LRRC41: variants seen among roughly 807,000 people sequenced by gnomAD.
LRRC41 encodes the protein leucine-rich repeat-containing protein 41.
Under a neutral mutation model 72.1 loss-of-function variants are expected in LRRC41, and 17 were observed. That is an observed-to-expected ratio of 0.24 (90% confidence interval 0.16 to 0.35). The LOEUF is 0.35. LRRC41 is among the 10% of genes least tolerant of loss of function. LRRC41 has a pLI of 1.00. For missense variants in LRRC41, 759 were observed against 1,065.0 expected, an observed-to-expected ratio of 0.71 and a Z score of 4.00; for synonymous variants, 427 against 431.0, an observed-to-expected ratio of 0.99 and a Z score of 0.11.
Position 46,297,331 on chromosome 1 carries a change from A to G in LRRC41, c.357+232T>C, listed in dbSNP as rs2148325612. On this transcript the variant is annotated intron_variant, in intron 3 of 9. Transcript: ENST00000617190. ...TCTAGGAATCCTGGCTCTGCCATCC[A>G]TTGTGATCACTAACTTTCCCTGTTT... 6.7e-6 allele frequency: 3 copies of G among 450,958 alleles called. No individual in the cohort carries two copies. In the South Asian group the frequency reaches 9.0e-5, roughly 13 times the overall value. The allele number at this position is 450,958 out of a possible 1,614,324, so 27.9% of individuals were successfully genotyped here.
Position 46,302,174 on chromosome 1 carries a change from C to G in LRRC41, c.199+950G>C, listed in dbSNP as rs1661248105. The G allele has an allele frequency of 2.0e-6, 2 of 985,392 alleles. No individual in the cohort carries two copies. The highest frequency in any genetic ancestry group is 9.4e-5 in the South Asian group (2 of 21,294). 61.0% of individuals were successfully genotyped at this position (985,392 alleles called of 1,614,324 possible). ...CCTTTGGTCCCGGCCGCCTTCAGGC[C>G]TGGGGCCCCCGTTCACTCCCATTCA... On this transcript the variant is annotated intron_variant, in intron 1 of 9. Transcript: ENST00000617190. The surrounding 1 kb of genome is among the most constrained non-coding windows in gnomAD (Gnocchi z 4.7).
Position 46,298,376 on chromosome 1 carries a change from A to G in LRRC41, c.200-6T>C, listed in dbSNP as rs776304015. On this transcript the variant is annotated splice_polypyrimidine_tract_variant and splice_region_variant and intron_variant, in intron 1 of 9. Coordinates refer to ENST00000617190, the MANE Select transcript of LRRC41 (RefSeq NM_006369.5). The stretch of plus-strand genomic sequence containing the variant: ...AAGTATTGGGCCTGGGAGGGCTACA[A>G]AAATCAAAACAAAAGTTTACTTTTC... 14 of 1,597,198 alleles carry G rather than the reference A, an allele frequency of 8.8e-6. No individual in the cohort carries two copies. In the Admixed American group the frequency reaches 1.0e-4, roughly 12 times the overall value.
rs746319323 is a variant in LRRC41 at position 46,278,718 on chromosome 1, G to T, written c.*147C>A. 2 of 769,284 alleles carry T rather than the reference G, an allele frequency of 2.6e-6. No homozygotes were observed. Among genetic ancestry groups the T allele is most frequent in the African/African-American group, 1.8e-5 (1 of 57,080 alleles). The allele number at this position is 769,284 out of a possible 1,614,324, so 47.7% of individuals were successfully genotyped here. On this transcript the variant is annotated 3_prime_UTR_variant, in exon 10 of 10. Transcript: ENST00000617190. ...TGCTGGGCCTCATCAAGGCCTCCAG[G>T]ACCTCAGTGCAAGGGAAGAAGGAAA...
chr1:46,287,638 G>A (rs1417116632), intron 3 of LRRC41, among the ~76,000 whole-genome samples: 2 of 152,168 alleles, frequency 1.3e-5, no homozygotes, highest in Non-Finnish European at 2.9e-5. Context: ...TCACCCCACG[G>A]ACTTGAACCT....
chr1:46,289,455 C>A (rs1660958808), intron 3 of LRRC41, among the ~76,000 whole-genome samples: 1 of 152,088 alleles, frequency 6.6e-6, no homozygotes, highest in African/African-American at 2.4e-5. Flanking sequence ...AAGTTTTATT[C>A]CATCACCACT....
At chr1:46,297,785 A>G (rs1266536297) in intron 2 of LRRC41, 152 bp from the exon 3 acceptor site, 1 of 601,532 alleles carries the variant, frequency 1.7e-6, no homozygotes, top group African/African-American at 1.9e-5. Context: ...TGTGAATATC[A>G]GCAAACTACA....
At position 46,281,376 on chromosome 1, in the gene LRRC41, G is replaced by C. The variant is rs1447307230; in HGVS notation, c.1505C>G (p.Ser502Cys). The C allele has an allele frequency of 5.6e-6, 9 of 1,614,160 alleles. No individual in the cohort carries two copies. The highest frequency in any genetic ancestry group is 7.6e-6 in the Non-Finnish European group (9 of 1,180,004). ...GCTGTCTAGCAGGCGGAAGATGTTA[G>C]AGCCCAGGCCTATGGCAAGAAAGAG... ...SLTLSYNGLGSNIFRLLDSLR... is the reference protein window; with the variant it reads ...SLTLSYNGLGCNIFRLLDSLR... Residue 502 changes from serine (S) to cysteine (C), a missense_variant, in exon 5 of 10, where the codon TCT becomes TGT. By Grantham distance (112) the Ser-to-Cys change is moderately radical. Around this residue, in one of 4 missense-constraint regions of LRRC41, gnomAD observed 427 missense variants for 520.9 expected, o/e 0.82. Transcript: ENST00000617190.
At position 46,278,038 on chromosome 1, in the gene LRRC41, C is replaced by G. The variant is rs1489760838; in HGVS notation, c.*827G>C. The G allele has an allele frequency of 6.2e-7, 1 of 1,614,114 alleles. No individual in the cohort carries two copies. The highest frequency in any genetic ancestry group is 1.3e-5 in the African/African-American group (1 of 75,060). ...TACCCACACAGTAGGGAGATGGGAT[C>G]TGTAGTGACTTCAGCTGTGCCTTCT... On this transcript the variant is annotated 3_prime_UTR_variant, in exon 10 of 10. Transcript: ENST00000617190.
In LRRC41 at chr1:46,277,918, T is replaced by C; in HGVS notation, c.*947A>G. Reference sequence around the variant, plus strand: ...AGCAGGATGTAGAGCGCCACTTCTCTCTGGGCGAGTTGAAGGAGCTGTTTA... The same window carrying C: ...AGCAGGATGTAGAGCGCCACTTCTCCCTGGGCGAGTTGAAGGAGCTGTTTA... On this transcript the variant is annotated 3_prime_UTR_variant, in exon 10 of 10. Coordinates refer to ENST00000617190, the MANE Select transcript of LRRC41 (RefSeq NM_006369.5). 1.9e-6 allele frequency: 3 copies of C among 1,614,130 alleles called. No individual in the cohort carries two copies. Among genetic ancestry groups the C allele is most frequent in the Non-Finnish European group, 2.5e-6 (3 of 1,180,036 alleles).
chr1:46,296,073 A>G (rs1661119695), intron 3 of LRRC41, among the ~76,000 whole-genome samples: 1 of 152,054 alleles, frequency 6.6e-6, no homozygotes, highest in South Asian at 2.1e-4. Flanking sequence ...CCTCTATTAC[A>G]CCACTTATCC....
chr1:46,302,004 C>T lies in LRRC41; in HGVS notation c.199+1120G>A. On this transcript the variant is annotated intron_variant, in intron 1 of 9. Coordinates refer to ENST00000617190, the MANE Select transcript of LRRC41 (RefSeq NM_006369.5). The surrounding 1 kb of genome is among the most constrained non-coding windows in gnomAD (Gnocchi z 4.7). The stretch of plus-strand genomic sequence containing the variant: ...ACTTTCCCCTCTTTCACTTGCCCCA[C>T]GTCGGACCCAAGTTTCCCTCGTCAG... 1.0e-6 allele frequency: 1 copy of T among 985,420 alleles called. No individual in the cohort carries two copies. Among genetic ancestry groups the T allele is most frequent in the Non-Finnish European group, 1.2e-6 (1 of 829,930 alleles). 61.0% of individuals were successfully genotyped at this position (985,420 alleles called of 1,614,324 possible).
At position 46,285,312 on chromosome 1, in the gene LRRC41, G is replaced by A. The variant is rs13374005; in HGVS notation, c.1495+50C>T. On this transcript the variant is annotated intron_variant, in intron 4 of 9. Transcript: ENST00000617190. The surrounding 1 kb of genome is among the most constrained non-coding windows in gnomAD (Gnocchi z 5.3). ...CCTCCCTAGAATTAGGCACACAGCT[G>A]GTGCTGCTAGGCAATCTAAGCCCAA... 2.7e-3 allele frequency: 4,294 copies of A among 1,588,538 alleles called. 60 individuals are homozygous for A. The highest frequency in any genetic ancestry group is 0.024 in the African/African-American group (1,780 of 74,426).
intron 7 of LRRC41, 75 bp downstream of exon 7, chr1:46,280,117 G>A (rs910666871): frequency 3.4e-5 from 38 of 1,111,754 alleles, no homozygotes; most frequent in Non-Finnish European, 5.0e-5. Context: ...AAGGAACAGT[G>A]GTTTGCTCAC....
At position 46,292,967 on chromosome 1, in the gene LRRC41, C is replaced by T. The variant is rs975153448; in HGVS notation, c.357+4596G>A. ...TTGGGAGACCGAGGCGGGTGGATCA[C>T]GAGGTCAAGAGATGGAGACCATCCT... On this transcript the variant is annotated intron_variant, in intron 3 of 9. Transcript: ENST00000617190. Among the ~76,000 whole-genome samples the T allele has an allele frequency of 3.9e-5, 6 of 152,170 alleles. No homozygotes were observed. The South Asian group carries it at 8.3e-4, about 21-fold the overall frequency.
In LRRC41 at chr1:46,298,407, C is replaced by T. The variant is rs756304483; in HGVS notation, c.200-37G>A. On this transcript the variant is annotated intron_variant, in intron 1 of 9. Coordinates refer to ENST00000617190, the MANE Select transcript of LRRC41 (RefSeq NM_006369.5). ...AAAACAAAAGTTTACTTTTCCTCCC[C>T]TCCCCCTCCCACCCAAGAGGTTTCC... is the stretch of plus-strand genomic sequence containing the variant. 5.3e-6 allele frequency: 7 copies of T among 1,309,298 alleles called. No individual in the cohort carries two copies. The South Asian group carries it at 8.6e-5, about 16-fold the overall frequency. The allele number at this position is 1,309,298 out of a possible 1,614,324, so 81.1% of individuals were successfully genotyped here. A position where few individuals can be genotyped will look rare whatever the true frequency, so the allele number is the denominator to read the frequency against.
At chr1:46,289,579 G>A (rs931713480) in intron 3 of LRRC41, among the ~76,000 whole-genome samples, 3 of 151,938 alleles carry the variant, frequency 2.0e-5, no homozygotes, top group Admixed American at 6.6e-5. Context: ...TGGCTAACAC[G>A]GTGAAACCCT....
intron 3 of LRRC41, among the ~76,000 whole-genome samples, chr1:46,289,484 G>A (rs1336351572): frequency 1.3e-5 from 2 of 152,088 alleles, no homozygotes; most frequent in Non-Finnish European, 2.9e-5. Flanking sequence ...TCTATGGGCC[G>A]GGCGCGGTGG....
intron 3 of LRRC41, among the ~76,000 whole-genome samples, chr1:46,293,927 A>C (rs1661069852): frequency 6.6e-6 from 1 of 151,588 alleles, no homozygotes; most frequent in Non-Finnish European, 1.5e-5. Context: ...GGCATGCACT[A>C]CCATGCCTGA....
In LRRC41 at chr1:46,302,289, T is replaced by C. The variant is rs1451912239; in HGVS notation, c.199+835A>G. On this transcript the variant is annotated intron_variant, in intron 1 of 9. Coordinates refer to ENST00000617190, the MANE Select transcript of LRRC41 (RefSeq NM_006369.5). This position sits in a 1 kb window ranked among gnomAD's most constrained non-coding sequence, Gnocchi z 4.7. The stretch of plus-strand genomic sequence containing the variant: ...GCCGTCGCCCCGCTTGGGGCCTCCT[T>C]GGCCCTTCCCGCCTGTCCGTCATTC... 1.3e-5 allele frequency: 13 copies of C among 985,070 alleles called. No individual in the cohort carries two copies. Among genetic ancestry groups the C allele is most frequent in the Non-Finnish European group, 1.6e-5 (13 of 829,858 alleles). The allele number at this position is 985,070 out of a possible 1,614,324, so 61.0% of individuals were successfully genotyped here. A position where few individuals can be genotyped will look rare whatever the true frequency, so the allele number is the denominator to read the frequency against.
Sources: gnomAD v4.1 joint callset for allele counts (sites outside exome capture counted in the v4.1 genomes callset) on GRCh38, gnomAD v4.1.1 for gene constraint, gnomAD v4.1.1 regional missense constraint, Gnocchi (gnomAD v3.1) non-coding constraint, MANE v1.5 for transcripts, NCBI Gene and HGNC (gene_info 2026-07-23, HGNC 2026-07-21) for gene names.